The following GPR37 variants were observed in gnomAD, a reference collection of about 807,000 sequenced individuals.
GPR37 encodes G protein-coupled receptor 37.
In GPR37, 20 loss-of-function variants were observed where a neutral mutation model predicts 43.6. The observed-to-expected ratio is 0.46, with a 90% confidence interval of 0.32 to 0.67. GPR37 has a LOEUF of 0.67. GPR37 is among the 30% of genes least tolerant of loss of function. The probability of loss-of-function intolerance (pLI) is 0.03; values close to 1 mark genes in which losing one functional copy is unlikely to be tolerated. For missense variants in GPR37, 724 were observed against 797.2 expected, an observed-to-expected ratio of 0.91 and a Z score of 1.11; for synonymous variants, 315 against 322.6, an observed-to-expected ratio of 0.98 and a Z score of 0.25.
intron 1 of GPR37, among the ~76,000 whole-genome samples, chr7:124,763,372 G>A (rs1793871889): frequency 6.6e-6 from 1 of 152,160 alleles, no homozygotes; most frequent in African/African-American, 2.4e-5. Flanking sequence ...GGGATAGCAT[G>A]GAAGACAGTC....
chr7:124,764,656 G>A lies in GPR37; in HGVS notation c.321C>T (p.Ala107=), dbSNP rs769553821. Residue 107 remains alanine, a synonymous_variant, in exon 1 of 2, where the codon GCC becomes GCT. Coordinates refer to ENST00000303921, the MANE Select transcript of GPR37 (RefSeq NM_005302.5). The surrounding 1 kb of genome is among the most constrained non-coding windows in gnomAD (Gnocchi z 5.4). Reference sequence around the variant, plus strand: ...GCCTGGTTGGAGGTCCCGGGGGTCCGGCTGCCGACGCCTCCGCCCCTCTGC... The same window carrying A: ...GCCTGGTTGGAGGTCCCGGGGGTCCAGCTGCCGACGCCTCCGCCCCTCTGC... ...AAGRGAEASA[A]GPPGPPTRPP... is the part of the protein sequence containing the mutation. The A allele has an allele frequency of 2.1e-5, 34 of 1,582,600 alleles. No individual in the cohort carries two copies. Among genetic ancestry groups the A allele is most frequent in the Non-Finnish European group, 5.2e-6 (6 of 1,164,788 alleles).
At position 124,764,473 on chromosome 7, in the gene GPR37, C is replaced by A. The variant is rs757137647; in HGVS notation, c.504G>T (p.Gln168His). 1.2e-6 allele frequency: 2 copies of A among 1,613,714 alleles called. No individual in the cohort carries two copies. Among genetic ancestry groups the A allele is most frequent in the Non-Finnish European group, 1.7e-6 (2 of 1,180,044 alleles). Residue 168 changes from glutamine to histidine, a missense_variant, in exon 1 of 2, where the codon CAG becomes CAT. Around this residue, in one of 2 missense-constraint regions of GPR37, gnomAD observed 382 missense variants for 355.4 expected, o/e 1.07. Coordinates refer to ENST00000303921, the MANE Select transcript of GPR37 (RefSeq NM_005302.5). The surrounding 1 kb of genome is among the most constrained non-coding windows in gnomAD (Gnocchi z 5.4). The part of the protein sequence containing the change: ...GAGISGRSQE[Q>H]SVKTVPGASD... ...TGGCTCCGGGGACTGTCTTCACACT[C>A]TGCTCCTGGCTACGCCCGGAAATGC...
chr7:124,749,688 A>G (rs1793711193), intron 1 of GPR37, among the ~76,000 whole-genome samples: 1 of 152,064 alleles, frequency 6.6e-6, no homozygotes, highest in East Asian at 1.9e-4. Flanking sequence ...TTATGCCCTG[A>G]CTACTCTCAT....
chr7:124,752,767 G>C (rs141876168), intron 1 of GPR37, among the ~76,000 whole-genome samples: 1 of 152,152 alleles, frequency 6.6e-6, no homozygotes, highest in Non-Finnish European at 1.5e-5. Flanking sequence ...TAGTCTATTA[G>C]ACTAGGATAA....
chr7:124,763,971 T>A lies in GPR37; in HGVS notation c.1006A>T (p.Ile336Phe), dbSNP rs1329111201. The A allele has an allele frequency of 1.3e-5, 21 of 1,613,860 alleles. No individual in the cohort carries two copies. Among genetic ancestry groups the A allele is most frequent in the Non-Finnish European group, 1.8e-5 (21 of 1,180,020 alleles). The change falls in exon 1 of 2, where the codon ATC becomes TTC. Residue 336 changes from isoleucine (I) to phenylalanine (F), a missense_variant. Coordinates refer to ENST00000303921, the MANE Select transcript of GPR37 (RefSeq NM_005302.5). Reference protein sequence around the residue: ...KWLLEDFSCKIVPYIEVASLG... With the variant: ...KWLLEDFSCKFVPYIEVASLG... ...GGCATTACCTCTATATAGGGCACGA[T>A]CTTGCAGGAGAAGTCCTCCAGCAGC...
rs905906896 is a variant in GPR37 at position 124,764,029 on chromosome 7, C to G, written c.948G>C (p.Pro316=). The change falls in exon 1 of 2, where the codon CCG becomes CCC. Residue 316 remains proline (P), a synonymous_variant. Coordinates refer to ENST00000303921, the MANE Select transcript of GPR37 (RefSeq NM_005302.5). This position sits in a 1 kb window ranked among gnomAD's most constrained non-coding sequence, Gnocchi z 5.4. ...TGGTCAGCTCGTGGAAGATGACCAG[C>G]GGAAGGCAGAAGAAGATGATGAGAA... ...WDFLIIFFCL[P]LVIFHELTKK... is the part of the protein sequence containing the mutation. 2.5e-6 allele frequency: 4 copies of G among 1,613,954 alleles called. No homozygotes were observed. Among genetic ancestry groups the G allele is most frequent in the Non-Finnish European group, 2.5e-6 (3 of 1,180,030 alleles).
At position 124,764,656 on chromosome 7, in the gene GPR37, G is replaced by C; in HGVS notation, c.321C>G (p.Ala107=). The part of the protein sequence containing the change: ...AAGRGAEASA[A]GPPGPPTRPP... Reference sequence around the variant, plus strand: ...GCCTGGTTGGAGGTCCCGGGGGTCCGGCTGCCGACGCCTCCGCCCCTCTGC... The same window carrying C: ...GCCTGGTTGGAGGTCCCGGGGGTCCCGCTGCCGACGCCTCCGCCCCTCTGC... Residue 107 remains alanine, a synonymous_variant, in exon 1 of 2, where the codon GCC becomes GCG. Transcript: ENST00000303921. The surrounding 1 kb of genome is among the most constrained non-coding windows in gnomAD (Gnocchi z 5.4). The C allele has an allele frequency of 6.3e-7, 1 of 1,582,720 alleles. No individual in the cohort carries two copies. Among genetic ancestry groups the C allele is most frequent in the Non-Finnish European group, 8.6e-7 (1 of 1,164,780 alleles).
chr7:124,762,256 G>A (rs1185924878), intron 1 of GPR37, among the ~76,000 whole-genome samples: 1 of 152,026 alleles, frequency 6.6e-6, no homozygotes, highest in Non-Finnish European at 1.5e-5. Context: ...TCCTGAATTT[G>A]ATATTCTTTT....
intron 1 of GPR37, among the ~76,000 whole-genome samples, chr7:124,759,812 T>A (rs1793832297): frequency 6.6e-6 from 1 of 152,194 alleles, no homozygotes; most frequent in Non-Finnish European, 1.5e-5. Flanking sequence ...CTGGGTGCTA[T>A]CCTCAAGCTT....
At chr7:124,754,293 C>G (rs1793767911) in intron 1 of GPR37, among the ~76,000 whole-genome samples, 1 of 152,116 alleles carries the variant, frequency 6.6e-6, no homozygotes, top group Admixed American at 6.6e-5. Context: ...CCCATGGGTG[C>G]TTTATGAAAA....
chr7:124,753,918 C>T (rs575096398), intron 1 of GPR37, among the ~76,000 whole-genome samples: 15 of 152,046 alleles, frequency 9.9e-5, no homozygotes, highest in African/African-American at 2.9e-4. Flanking sequence ...CTTTATACCC[C>T]GATGAGAAAT....
Position 124,765,012 on chromosome 7 carries a change from T to G in GPR37, c.-36A>C, listed in dbSNP as rs766685596. On this transcript the variant is annotated 5_prime_UTR_variant, in exon 1 of 2. Transcript: ENST00000303921. ...GGGCACACCCGGCAGCCGCAGCTCCTGCTTAGTTAGGATCGACACCTGCTG... is the reference window on the plus strand; with the variant it reads ...GGGCACACCCGGCAGCCGCAGCTCCGGCTTAGTTAGGATCGACACCTGCTG... 91 of 1,428,394 alleles carry G rather than the reference T, an allele frequency of 6.4e-5. No homozygotes were observed. In the South Asian group the frequency reaches 1.3e-3, roughly 21 times the overall value. The allele number at this position is 1,428,394 out of a possible 1,614,324, so 88.5% of individuals were successfully genotyped here.
chr7:124,756,784 G>A (rs902232233), intron 1 of GPR37, among the ~76,000 whole-genome samples: 1 of 152,294 alleles, frequency 6.6e-6, no homozygotes, highest in South Asian at 2.1e-4. Context: ...CTACATCCCA[G>A]ACACAGGTCC....
intron 1 of GPR37, among the ~76,000 whole-genome samples, chr7:124,753,007 C>T (rs1317390523): frequency 1.3e-5 from 2 of 151,792 alleles, no homozygotes; most frequent in African/African-American, 4.8e-5. Flanking sequence ...AAAAAAATAG[C>T]CCAGGAAGGA....
At position 124,744,011 on chromosome 7, in the gene GPR37, A is replaced by G. The variant is rs1793641763; in HGVS notation, c.*2514T>C. ...AAAAACACAAGACGACTATGAGAAA[A>G]CTTTGAAATCACTTTATACTTGGGA... On this transcript the variant is annotated 3_prime_UTR_variant, in exon 2 of 2. Coordinates refer to ENST00000303921, the MANE Select transcript of GPR37 (RefSeq NM_005302.5). 6.6e-6 allele frequency: 1 copy of G among 152,032 alleles called. No homozygotes were observed. The highest frequency in any genetic ancestry group is 6.6e-5 in the Admixed American group (1 of 15,256). 9.4% of individuals were successfully genotyped at this position (152,032 alleles called of 1,614,324 possible).
At chr7:124,755,313 C>T (rs1054262568) in intron 1 of GPR37, among the ~76,000 whole-genome samples, 11 of 152,074 alleles carry the variant, frequency 7.2e-5, no homozygotes, top group African/African-American at 2.2e-4. Context: ...TTCCCAATGC[C>T]GTGGGGGAAA....
chr7:124,764,276 C>G lies in GPR37; in HGVS notation c.701G>C (p.Gly234Ala), dbSNP rs539552915. 1.3e-6 allele frequency: 2 copies of G among 1,599,928 alleles called. No individual in the cohort carries two copies. The highest frequency in any genetic ancestry group is 1.1e-5 in the South Asian group (1 of 88,620). ...SLGEGIHEPG[G>A]PRRGNSTNRR... ...GTTCGTGCTGTTTCCCCGGCGGGGACCCCCAGGCTCATGGATTCCTTCACC... is the reference window on the plus strand; with the variant it reads ...GTTCGTGCTGTTTCCCCGGCGGGGAGCCCCAGGCTCATGGATTCCTTCACC... The change falls in exon 1 of 2, where the codon GGT becomes GCT. Residue 234 changes from glycine to alanine, a missense_variant. Gly to Ala is a moderately conservative substitution (Grantham distance 60, BLOSUM62 0). Transcript: ENST00000303921. The surrounding 1 kb of genome is among the most constrained non-coding windows in gnomAD (Gnocchi z 5.4).
At chr7:124,761,154 CA>C (rs60967099) in intron 1 of GPR37, among the ~76,000 whole-genome samples, 24,887 of 77,512 alleles carry the variant, frequency 0.32, 1,808 homozygotes, top group East Asian at 0.38. Context: ...GACTCCGTCT[CA>C]AAAAAAAAAA....
chr7:124,764,689 C>A lies in GPR37; in HGVS notation c.288G>T (p.Pro96=). The change falls in exon 1 of 2, where the codon CCG becomes CCT. Residue 96 remains proline, a synonymous_variant. Transcript: ENST00000303921. The surrounding 1 kb of genome is among the most constrained non-coding windows in gnomAD (Gnocchi z 5.4). ...ACGCCTCCGCCCCTCTGCCTGCAGC[C>A]GGGTCACGGCCCGGGGCCGCCGGCA... ...WDLPAAPGRD[P]AAGRGAEASA... The A allele has an allele frequency of 6.3e-7, 1 of 1,593,420 alleles. No individual in the cohort carries two copies. Among genetic ancestry groups the A allele is most frequent in the Non-Finnish European group, 8.5e-7 (1 of 1,170,856 alleles).
Sources: allele counts gnomAD v4.1 joint callset (sites outside exome capture counted in the v4.1 genomes callset), GRCh38; gene constraint gnomAD v4.1.1; regional missense constraint gnomAD v4.1.1; non-coding constraint Gnocchi (gnomAD v3.1); transcripts MANE v1.5; gene names NCBI Gene and HGNC (gene_info 2026-07-23, HGNC 2026-07-21).